Variants in HCRTR2 observed in about 807,000 individuals in gnomAD.
HCRTR2 encodes the protein hypocretin receptor 2, also known as orexin receptor type 2.
In HCRTR2, 22 loss-of-function variants were observed where a neutral mutation model predicts 49.0. That is an observed-to-expected ratio of 0.45 (90% CI 0.32 to 0.64). HCRTR2 has a LOEUF of 0.64. HCRTR2 is among the 30% of genes least tolerant of loss of function. HCRTR2 has a pLI of 0.04. For missense variants in HCRTR2, 491 were observed against 559.4 expected (o/e 0.88, Z 1.23); for synonymous variants, 236 against 205.3 (o/e 1.15, Z -1.28).
chr6:55,163,718 C>A lies in HCRTR2; in HGVS notation c.-377-10493C>A, dbSNP rs138040497. ...ATACCATTCAGGCCATAGGCATGGG[C>A]AAACACTTCATGTCTAAAACATCAA... On this transcript the variant is annotated intron_variant, in intron 1 of 7. Transcript: ENST00000615358. Among the ~76,000 whole-genome samples, 48 of 152,238 alleles carry A rather than the reference C, an allele frequency of 3.2e-4. No homozygotes were observed. In the South Asian group the frequency reaches 6.0e-3, roughly 19 times the overall value.
At position 55,117,022 on chromosome 6, in the gene HCRTR2, C is replaced by T. The variant is rs144145650; in HGVS notation, c.-378+10477C>T. Among the ~76,000 whole-genome samples, 525 of 151,836 alleles carry T rather than the reference C, an allele frequency of 3.5e-3. 7 individuals carry two copies. The highest frequency in any genetic ancestry group is 0.012 in the African/African-American group (498 of 41,464). The stretch of plus-strand genomic sequence containing the variant: ...TATAAAAGAGAGAACCAATGAAAAA[C>T]CTACATGTACAGTATGATGTCAGAT... On this transcript the variant is annotated intron_variant, in intron 1 of 7. Coordinates refer to the HCRTR2 transcript ENST00000615358.
At chr6:55,241,427 T>C (rs536827182) in intron 1 of HCRTR2, among the ~76,000 whole-genome samples, 2 of 152,278 alleles carry the variant, frequency 1.3e-5, no homozygotes, top group African/African-American at 4.8e-5. Context: ...TGGCAAAGTG[T>C]GGAACTACAG....
At chr6:55,173,061 C>T (rs1047051531), upstream of HCRTR2, among the ~76,000 whole-genome samples, 1 of 151,990 alleles carries the variant, frequency 6.6e-6, no homozygotes, top group Non-Finnish European at 1.5e-5. Flanking sequence ...ATTTGAACAA[C>T]ATTGAAAAGA....
At chr6:55,244,529 G>A (rs1223947714) in intron 1 of HCRTR2, among the ~76,000 whole-genome samples, 2 of 151,994 alleles carry the variant, frequency 1.3e-5, no homozygotes, top group African/African-American at 4.8e-5. Context: ...CATAATTAAT[G>A]GGAGAAAATG....
chr6:55,181,024 T>C lies in HCRTR2; in HGVS notation c.223+6214T>C, dbSNP rs531118065. 5.3e-4 allele frequency among the ~76,000 whole-genome samples: 80 copies of C among 151,470 alleles called. 1 individual carries two copies. The highest frequency in any genetic ancestry group is 3.4e-3 in the Middle Eastern group (1 of 292). ...GGTTTCACCATCTTGGCTAGGCTGG[T>C]CTTGAACTCTTGCCCTTGTTATCTA... On this transcript the variant is annotated intron_variant, in intron 1 of 6. Coordinates refer to ENST00000370862, the MANE Select transcript of HCRTR2 (RefSeq NM_001384272.1).
chr6:55,111,750 T>C (rs1283722779), intron 1 of HCRTR2, among the ~76,000 whole-genome samples: 4 of 151,876 alleles, frequency 2.6e-5, no homozygotes, highest in African/African-American at 9.7e-5. Context: ...ATCCTGTTGA[T>C]ACTATTCCAA....
At chr6:55,187,682 C>CTTTTT (rs5876430) in intron 1 of HCRTR2, among the ~76,000 whole-genome samples, 8 of 102,232 alleles carry the variant, frequency 7.8e-5, no homozygotes, top group African/African-American at 1.9e-4. Flanking sequence ...ATTATTTGAT[C>CTTTTT]TTTTTTTTTT....
At chr6:55,176,913 G>T (rs1230920154) in intron 1 of HCRTR2, among the ~76,000 whole-genome samples, 1 of 152,172 alleles carries the variant, frequency 6.6e-6, no homozygotes, top group Non-Finnish European at 1.5e-5. Context: ...TTTATGAATA[G>T]CTATCAATAG....
intron 1 of HCRTR2, among the ~76,000 whole-genome samples, chr6:55,188,622 CAGCAAAT>C (rs1214137264): frequency 2.6e-5 from 4 of 152,174 alleles, no homozygotes; most frequent in Non-Finnish European, 5.9e-5. Context: ...TTATTTCATT[CAGCAAAT>C]ATTTATTGAA....
At chr6:55,126,563 T>G (rs1209435444) in intron 1 of HCRTR2, among the ~76,000 whole-genome samples, 1 of 152,146 alleles carries the variant, frequency 6.6e-6, no homozygotes, top group African/African-American at 2.4e-5. Flanking sequence ...TGTCTCCCAG[T>G]CAAGGGTTAA....
chr6:55,240,608 A>T (rs1015730732), intron 1 of HCRTR2, among the ~76,000 whole-genome samples: 18 of 152,138 alleles, frequency 1.2e-4, no homozygotes, highest in African/African-American at 4.3e-4. Flanking sequence ...AAGGGAGTAA[A>T]ACTAGCAATA....
At chr6:55,225,367 A>G (rs555325959) in intron 1 of HCRTR2, among the ~76,000 whole-genome samples, 189 of 152,182 alleles carry the variant, frequency 1.2e-3, no homozygotes, top group Middle Eastern at 3.4e-3. Context: ...TTAATAAAAC[A>G]TATTCTGCTT....
At chr6:55,228,428 G>A (rs899807116) in intron 1 of HCRTR2, among the ~76,000 whole-genome samples, 1 of 152,052 alleles carries the variant, frequency 6.6e-6, no homozygotes, top group Admixed American at 6.6e-5. Flanking sequence ...TAGCATCTTT[G>A]TCTTGACATG....
chr6:55,180,786 A>C (rs1236744296), intron 1 of HCRTR2, among the ~76,000 whole-genome samples: 2 of 151,926 alleles, frequency 1.3e-5, no homozygotes, highest in Non-Finnish European at 2.9e-5. Flanking sequence ...GATTTTATTA[A>C]ATAGATGAAC....
chr6:55,117,456 T>A (rs62416452), intron 1 of HCRTR2, among the ~76,000 whole-genome samples: 42,500 of 151,530 alleles, frequency 0.28, 6,713 homozygotes, highest in Non-Finnish European at 0.36. Flanking sequence ...TTGTACATAT[T>A]CATGGGGTAC....
intron 1 of HCRTR2, among the ~76,000 whole-genome samples, chr6:55,135,135 A>T (rs1284191034): frequency 6.6e-6 from 1 of 152,084 alleles, no homozygotes; most frequent in Non-Finnish European, 1.5e-5. Context: ...AGTGAATGGT[A>T]AAGACTCTAC....
chr6:55,161,354 A>G (rs1002124657), intron 1 of HCRTR2, among the ~76,000 whole-genome samples: 1 of 152,214 alleles, frequency 6.6e-6, no homozygotes, highest in Admixed American at 6.5e-5. Context: ...GGAAATTCAT[A>G]GCACTAAATG....
At position 55,188,485 on chromosome 6, in the gene HCRTR2, A is replaced by G. The variant is rs553543180; in HGVS notation, c.223+13675A>G. On this transcript the variant is annotated intron_variant, in intron 1 of 6. Transcript: ENST00000370862. ...TATCTTTTTCATCCAAATGGAGGCAAAAGCATCATAGAGCACCAGAGGGCT... is the reference window on the plus strand; with the variant it reads ...TATCTTTTTCATCCAAATGGAGGCAGAAGCATCATAGAGCACCAGAGGGCT... Among the ~76,000 whole-genome samples the G allele has an allele frequency of 1.5e-4, 23 of 152,338 alleles. No homozygotes were observed. The East Asian group carries it at 4.1e-3, about 27-fold the overall frequency.
At chr6:55,202,515 T>C (rs1222001547) in intron 1 of HCRTR2, among the ~76,000 whole-genome samples, 1 of 152,212 alleles carries the variant, frequency 6.6e-6, no homozygotes, top group Non-Finnish European at 1.5e-5. Flanking sequence ...CAGAAATTTG[T>C]TTCCAACTGT....
Sources: gnomAD v4.1 joint callset for allele counts (sites outside exome capture counted in the v4.1 genomes callset) on GRCh38, gnomAD v4.1.1 for gene constraint, MANE v1.5 for transcripts, NCBI Gene and HGNC (gene_info 2026-07-23, HGNC 2026-07-21) for gene names.